PTP4A1: variants seen among roughly 807,000 people sequenced by gnomAD.
PTP4A1 encodes the protein protein tyrosine phosphatase 4A1, also known as protein tyrosine phosphatase type IVA 1.
Under a neutral mutation model 20.5 loss-of-function variants are expected in PTP4A1, and 9 were observed. The observed-to-expected ratio is 0.44, with a 90% CI of 0.26 to 0.77. The LOEUF (loss-of-function observed/expected upper bound fraction) is 0.77, where lower values mean the gene tolerates loss of function less well. Among genes scored for constraint, PTP4A1 ranks in the 30% least tolerant of loss-of-function variants. The pLI, the probability that PTP4A1 is intolerant of heterozygous loss-of-function variation, is 0.19. For synonymous variants in PTP4A1, 78 were observed against 67.4 expected, an observed-to-expected ratio of 1.16 and a Z score of -0.77; for missense variants, 137 against 218.8, an observed-to-expected ratio of 0.63 and a Z score of 2.36.
At chr6:63,540,575 T>C (rs750982645) in intron 2 of PTP4A1, among the ~76,000 whole-genome samples, 17 of 150,686 alleles carry the variant, frequency 1.1e-4, no homozygotes, top group Admixed American at 6.0e-4. Flanking sequence ...AAGCCAAGAT[T>C]GCTCCACTCA....
chr6:63,579,043 C>A lies in PTP4A1; in HGVS notation c.329+15C>A. 2 of 1,553,244 alleles carry A rather than the reference C, an allele frequency of 1.3e-6. No individual in the cohort carries two copies. Among genetic ancestry groups the A allele is most frequent in the Non-Finnish European group, 1.7e-6 (2 of 1,155,838 alleles). ...GGCCTTGGGAGGTAAATGAATTTAT[C>A]AATTTGATTCTAGGTAAAAATCTAT... On this transcript the variant is annotated intron_variant, in intron 4 of 5. Coordinates refer to ENST00000626021, the MANE Select transcript of PTP4A1 (RefSeq NM_003463.5).
chr6:63,537,527 C>T (rs562689145), intron 2 of PTP4A1, among the ~76,000 whole-genome samples: 1 of 152,304 alleles, frequency 6.6e-6, no homozygotes, highest in African/African-American at 2.4e-5. Context: ...TTAGAGCGTA[C>T]CTTTTCACCC....
At chr6:63,548,232 T>C (rs1022171922) in intron 2 of PTP4A1, among the ~76,000 whole-genome samples, 21 of 152,248 alleles carry the variant, frequency 1.4e-4, no homozygotes, top group African/African-American at 5.1e-4. Flanking sequence ...TGTTATAATC[T>C]GAAGCCAGGC....
At chr6:63,569,979 T>C (rs1000896029), upstream of PTP4A1, among the ~76,000 whole-genome samples, 47 of 152,308 alleles carry the variant, frequency 3.1e-4, no homozygotes, top group African/African-American at 1.1e-3. Flanking sequence ...TTAAACTAAA[T>C]ACAGCAGACA....
intron 2 of PTP4A1, among the ~76,000 whole-genome samples, chr6:63,550,131 C>T (rs960925488): frequency 6.6e-6 from 1 of 151,968 alleles, no homozygotes; most frequent in African/African-American, 2.4e-5. Context: ...AAAAGAAAAA[C>T]TTTAAAACTG....
the PTP4A1 span, among the ~76,000 whole-genome samples, chr6:63,516,738 G>T: frequency 2.0e-5 from 3 of 152,162 alleles, no homozygotes; most frequent in Admixed American, 6.5e-5. Context: ...GATATATGTG[G>T]CAATGGCATG....
rs538695065 is a variant in PTP4A1 at position 63,526,676 on chromosome 6, C to T, written c.-905-1143C>T. On this transcript the variant is annotated intron_variant, in intron 1 of 3. Transcript: ENST00000639568. ...TACAAAAATTAGCTGGACGTGGTGG[C>T]GTGTGCCTGTAGTCTCAGCTACTCC... Among the ~76,000 whole-genome samples the T allele has an allele frequency of 2.9e-4, 44 of 150,992 alleles. 1 individual carries two copies. The South Asian group carries it at 6.5e-3, about 22-fold the overall frequency.
upstream of PTP4A1, chr6:63,572,276 C>T (rs1381817440): frequency 1.1e-5 from 2 of 189,014 alleles, no homozygotes; most frequent in South Asian, 1.9e-4. Flanking sequence ...CCTTCCCTCC[C>T]CCGCCCCGGG....
chr6:63,573,724 G>C (rs1429995164), intron 1 of PTP4A1: 1 of 152,256 alleles, frequency 6.6e-6, no homozygotes, highest in African/African-American at 2.4e-5. Context: ...AACAAGTCTA[G>C]TCTTGTCCTT....
intron 1 of PTP4A1, among the ~76,000 whole-genome samples, chr6:63,525,265 C>T (rs1407112233): frequency 2.0e-5 from 3 of 152,190 alleles, no homozygotes; most frequent in South Asian, 2.1e-4. Flanking sequence ...CAAACCCGCT[C>T]TTCCATATTT....
intron 1 of PTP4A1, among the ~76,000 whole-genome samples, chr6:63,523,675 T>C (rs761687843): frequency 1.3e-4 from 20 of 152,220 alleles, no homozygotes; most frequent in Non-Finnish European, 2.2e-4. Context: ...CAGGACACTT[T>C]CAATATGGCC....
chr6:63,565,180 T>C (rs1777136544), intron 3 of PTP4A1, among the ~76,000 whole-genome samples: 1 of 144,822 alleles, frequency 6.9e-6, no homozygotes, highest in African/African-American at 2.5e-5. Flanking sequence ...GCCCAGATAA[T>C]TTTTTTTTTT....
chr6:63,579,746 T>G (rs1219612370), intron 5 of PTP4A1, among the ~76,000 whole-genome samples: 1 of 152,250 alleles, frequency 6.6e-6, no homozygotes, highest in Non-Finnish European at 1.5e-5. Flanking sequence ...TGTAGTCATC[T>G]TCCCTGCTAC....
Position 63,554,161 on chromosome 6 carries a change from A to G in PTP4A1, c.-446+3668A>G, listed in dbSNP as rs1304590634. On this transcript the variant is annotated intron_variant, in intron 3 of 3. Transcript: ENST00000639568. ...CTCTCAGAGGCAATAAAAAGACTTTACAATCCTCACCAGAAGTGTATTTAG... is the reference window on the plus strand; with the variant it reads ...CTCTCAGAGGCAATAAAAAGACTTTGCAATCCTCACCAGAAGTGTATTTAG... 3.3e-5 allele frequency among the ~76,000 whole-genome samples: 5 copies of G among 152,238 alleles called. No homozygotes were observed. The East Asian group carries it at 7.7e-4, about 23-fold the overall frequency.
chr6:63,551,607 T>C (rs1160797966), intron 3 of PTP4A1, among the ~76,000 whole-genome samples: 2 of 152,168 alleles, frequency 1.3e-5, no homozygotes, highest in African/African-American at 2.4e-5. Context: ...TACATATGTA[T>C]ACATGTGCCA....
At chr6:63,564,166 C>G (rs1777084634) in intron 3 of PTP4A1, among the ~76,000 whole-genome samples, 1 of 151,502 alleles carries the variant, frequency 6.6e-6, no homozygotes, top group African/African-American at 2.4e-5. Context: ...ATCCTAGCTG[C>G]TTGGGAGGCT....
intron 1 of PTP4A1, among the ~76,000 whole-genome samples, chr6:63,573,052 G>A (rs1777574970): frequency 6.6e-6 from 1 of 152,090 alleles, no homozygotes; most frequent in African/African-American, 2.4e-5. Context: ...TCCGCAGCGG[G>A]CCGGGTGGGT....
chr6:63,520,228 C>G (rs543491167), upstream of PTP4A1, among the ~76,000 whole-genome samples: 8 of 152,308 alleles, frequency 5.3e-5, no homozygotes, highest in African/African-American at 1.9e-4. Flanking sequence ...TCCCATTAGA[C>G]ATTTATGTGA....
At chr6:63,579,363 C>T (rs1561915934) in intron 5 of PTP4A1, 32 bp downstream of exon 5, 1 of 1,500,648 alleles carries the variant, frequency 6.7e-7, no homozygotes. Context: ...CATTTGTACT[C>T]TCTTTCATTT....
Sources: allele counts gnomAD v4.1 joint callset (sites outside exome capture counted in the v4.1 genomes callset), GRCh38; gene constraint gnomAD v4.1.1; transcripts MANE v1.5; gene names NCBI Gene and HGNC (gene_info 2026-07-23, HGNC 2026-07-21).